The following RABGEF1 variants were observed in gnomAD, a reference collection of about 807,000 sequenced individuals.
RABGEF1 encodes RAB guanine nucleotide exchange factor 1.
RABGEF1 carries 26 observed loss-of-function variants against 57.3 expected under a neutral mutation model. The observed-to-expected ratio is 0.45, with a 90% CI of 0.33 to 0.63. The LOEUF is 0.63. RABGEF1 is among the 20% of genes least tolerant of loss of function. RABGEF1 has a pLI of 0.02. For missense variants in RABGEF1, 464 were observed against 607.6 expected, an observed-to-expected ratio of 0.76 and a Z score of 2.48; for synonymous variants, 185 against 210.7, an observed-to-expected ratio of 0.88 and a Z score of 1.06.
the RABGEF1 span, among the ~76,000 whole-genome samples, chr7:66,665,502 CTG>C: frequency 5.3e-5 from 8 of 152,070 alleles, no homozygotes; most frequent in Non-Finnish European, 1.2e-4. Context: ...GAGCTAGAAA[CTG>C]TGGTCCCATG....
intron 2 of RABGEF1, among the ~76,000 whole-genome samples, chr7:66,772,647 G>A (rs1199371567): frequency 2.0e-5 from 3 of 152,090 alleles, no homozygotes; most frequent in African/African-American, 4.8e-5. Context: ...AGTGGCTCAC[G>A]CCTGTAATCC....
chr7:66,775,584 T>C (rs541866679), intron 3 of RABGEF1, among the ~76,000 whole-genome samples, 191 bp downstream of exon 3: 1 of 152,296 alleles, frequency 6.6e-6, no homozygotes, highest in East Asian at 1.9e-4. Flanking sequence ...AAAGACATTG[T>C]GTTTTAGAGA....
intron 1 of RABGEF1, among the ~76,000 whole-genome samples, chr7:66,764,941 CCTTGTTAT>C (rs1360447412): frequency 6.6e-6 from 1 of 152,104 alleles, no homozygotes; most frequent in Non-Finnish European, 1.5e-5. Context: ...CATTCTGGGC[CCTTGTTAT>C]CTTCTGCATT....
intron 3 of RABGEF1, among the ~76,000 whole-genome samples, chr7:66,775,755 T>TG (rs1477399730): frequency 6.6e-6 from 1 of 152,196 alleles, no homozygotes; most frequent in African/African-American, 2.4e-5. Flanking sequence ...GTTCATAGCT[T>TG]GTCAGAAATG....
chr7:66,714,329 A>G (rs972168286), intron 2 of RABGEF1, among the ~76,000 whole-genome samples: 2 of 152,216 alleles, frequency 1.3e-5, no homozygotes, highest in African/African-American at 4.8e-5. Flanking sequence ...CATTTCATCT[A>G]CATTGTTAAA....
chr7:66,744,147 T>A (rs12537346), intron 1 of RABGEF1, among the ~76,000 whole-genome samples: 5,522 of 151,830 alleles, frequency 0.036, 159 homozygotes, highest in East Asian at 0.084. Flanking sequence ...GCGATTTGTG[T>A]GCCTCAGCCT....
intron 1 of RABGEF1, among the ~76,000 whole-genome samples, chr7:66,710,690 T>G (rs1344298017): frequency 6.6e-6 from 1 of 152,244 alleles, no homozygotes; most frequent in Non-Finnish European, 1.5e-5. Flanking sequence ...TGGAGAAATG[T>G]CTGTTTAATT....
At chr7:66,768,101 A>G (rs374880758) in intron 1 of RABGEF1, among the ~76,000 whole-genome samples, 23 of 152,348 alleles carry the variant, frequency 1.5e-4, no homozygotes, top group African/African-American at 5.1e-4. Context: ...GTAAATAGCA[A>G]TTTTTATTTC....
intron 1 of RABGEF1, among the ~76,000 whole-genome samples, chr7:66,759,694 A>G (rs888215156): frequency 6.6e-6 from 1 of 152,162 alleles, no homozygotes; most frequent in African/African-American, 2.4e-5. Context: ...GGAGCAAGAG[A>G]GAAGGTGCTA....
At chr7:66,728,234 T>C (rs995814392) in intron 2 of RABGEF1, among the ~76,000 whole-genome samples, 1 of 152,192 alleles carries the variant, frequency 6.6e-6, no homozygotes, top group Admixed American at 6.5e-5. Flanking sequence ...ATCTGCTGCC[T>C]GGGTTCTGCC....
chr7:66,681,146 C>T (rs1789692555), upstream of RABGEF1, among the ~76,000 whole-genome samples: 1 of 152,300 alleles, frequency 6.6e-6, no homozygotes, highest in East Asian at 1.9e-4. Context: ...CGACAATTAG[C>T]AAAGCTGGGA....
rs565389018 is a variant in RABGEF1, at chr7:66,806,248, G to A, written c.1077+852G>A. 2.0e-5 allele frequency among the ~76,000 whole-genome samples: 3 copies of A among 152,208 alleles called. No individual in the cohort carries two copies. The South Asian group carries it at 6.2e-4, about 32-fold the overall frequency. ...ATTGCCAAAAAAGTCTCACAGGTAC[G>A]TGAATCTCTCAGTCTCTAAAAATAT... On this transcript the variant is annotated intron_variant, in intron 8 of 8. Transcript: ENST00000284957.
chr7:66,738,056 T>G (rs987845696), upstream of RABGEF1, among the ~76,000 whole-genome samples: 1 of 151,324 alleles, frequency 6.6e-6, no homozygotes, highest in African/African-American at 2.4e-5. Flanking sequence ...GGTCTTGCTC[T>G]GTCAACCAGG....
chr7:66,759,033 A>G (rs1803526856), intron 1 of RABGEF1, among the ~76,000 whole-genome samples: 1 of 152,178 alleles, frequency 6.6e-6, no homozygotes, highest in Non-Finnish European at 1.5e-5. Context: ...GGAAATTGAT[A>G]TTTGTGCAAT....
At chr7:66,707,588 T>A (rs879675256) in intron 1 of RABGEF1, among the ~76,000 whole-genome samples, 2 of 152,128 alleles carry the variant, frequency 1.3e-5, no homozygotes, top group African/African-American at 2.4e-5. Context: ...CTCGGGAGGC[T>A]GAGGCAGGAA....
chr7:66,721,310 C>T lies in RABGEF1; in HGVS notation c.-815+9086C>T, dbSNP rs143912119. On this transcript the variant is annotated intron_variant and NMD_transcript_variant, in intron 2 of 9. Coordinates refer to the RABGEF1 transcript ENST00000607882. ...TGTATATTAGTGTCTTACTGCTACT[C>T]TAACATATGCCATATAGTGACTTAA... 3.9e-3 allele frequency among the ~76,000 whole-genome samples: 595 copies of T among 152,330 alleles called. 2 individuals carry two copies. The highest frequency in any genetic ancestry group is 0.013 in the African/African-American group (559 of 41,572).
chr7:66,744,656 A>C (rs1399413820), intron 1 of RABGEF1, among the ~76,000 whole-genome samples: 1 of 144,386 alleles, frequency 6.9e-6, no homozygotes, highest in Non-Finnish European at 1.5e-5. Context: ...CGACAGAGCC[A>C]GACTCCGTCT....
chr7:66,776,220 C>T (rs1020763376), intron 3 of RABGEF1, among the ~76,000 whole-genome samples: 5 of 152,184 alleles, frequency 3.3e-5, no homozygotes, highest in Non-Finnish European at 7.4e-5. Flanking sequence ...ACTTGCTCCC[C>T]AGTTCCTACC....
chr7:66,738,014 GTTTTTTTTGT>G (rs1562756118), upstream of RABGEF1, among the ~76,000 whole-genome samples: 1 of 139,902 alleles, frequency 7.1e-6, no homozygotes, highest in African/African-American at 2.6e-5. Context: ...TGTGTTTTTT[GTTTTTTTTGT>G]TTTTTTTTTT....
Sources: allele counts gnomAD v4.1 joint callset (sites outside exome capture counted in the v4.1 genomes callset), GRCh38; gene constraint gnomAD v4.1.1; transcripts MANE v1.5; gene names NCBI Gene and HGNC (gene_info 2026-07-23, HGNC 2026-07-21).